SLCO3A1: variants seen among roughly 807,000 people sequenced by gnomAD.
SLCO3A1 encodes the protein PGE1 transporter.
Under a neutral mutation model 63.1 loss-of-function variants are expected in SLCO3A1, and 27 were observed. That is an observed-to-expected ratio of 0.43 (90% CI 0.32 to 0.59). The LOEUF is 0.59. Among genes scored for constraint, SLCO3A1 ranks in the 20% least tolerant of loss-of-function variants. The pLI is 0.09. For synonymous variants in SLCO3A1, 473 were observed against 409.9 expected, an observed-to-expected ratio of 1.15 and a Z score of -1.86; for missense variants, 773 against 945.8, an observed-to-expected ratio of 0.82 and a Z score of 2.40.
rs191752519 is a variant in SLCO3A1, at chr15:91,957,330, A to C, written c.646+40872A>C. On this transcript the variant is annotated intron_variant, in intron 2 of 9. Transcript: ENST00000318445. ...TCTCTTCTGTAGATTTCAGCCGCCA[A>C]TGTGGTCTCAAAAGTACAGGGCAAA... is the stretch of plus-strand genomic sequence containing the variant. Among the ~76,000 whole-genome samples the C allele has an allele frequency of 5.4e-5, 8 of 148,952 alleles. No individual in the cohort carries two copies. The East Asian group carries it at 1.6e-3, about 30-fold the overall frequency.
At chr15:91,881,109 G>T (rs914327518) in intron 1 of SLCO3A1, among the ~76,000 whole-genome samples, 1 of 152,162 alleles carries the variant, frequency 6.6e-6, no homozygotes, top group Non-Finnish European at 1.5e-5. Context: ...GATGGGAGAA[G>T]GTACCTTTTC....
intron 2 of SLCO3A1, among the ~76,000 whole-genome samples, chr15:92,031,327 T>G (rs1567076873): frequency 6.6e-6 from 1 of 152,060 alleles, no homozygotes; most frequent in Non-Finnish European, 1.5e-5. Context: ...GAAAGAGTGT[T>G]AATAATGTTA....
intron 2 of SLCO3A1, among the ~76,000 whole-genome samples, chr15:91,970,982 G>A (rs1053560883): frequency 6.6e-6 from 1 of 152,094 alleles, no homozygotes; most frequent in Non-Finnish European, 1.5e-5. Context: ...TTGGGAATTT[G>A]CCTATTTGCT....
At chr15:91,993,559 TTTA>T (rs940450461) in intron 2 of SLCO3A1, among the ~76,000 whole-genome samples, 3 of 152,148 alleles carry the variant, frequency 2.0e-5, no homozygotes, top group African/African-American at 4.8e-5. Context: ...CAGATAAATA[TTTA>T]TTGATTTTAT....
intron 2 of SLCO3A1, among the ~76,000 whole-genome samples, chr15:92,074,882 C>T (rs1269931979): frequency 5.9e-5 from 9 of 152,172 alleles, no homozygotes; most frequent in Admixed American, 5.2e-4. Context: ...CAGGAAAGTA[C>T]TTCACACCCG....
chr15:92,162,410 A>T (rs140758091), intron 9 of SLCO3A1: 2 of 203,734 alleles, frequency 9.8e-6, no homozygotes, highest in Non-Finnish European at 2.0e-5. Flanking sequence ...TCAGCCTCCC[A>T]AAGTGCTGGA....
In SLCO3A1 at chr15:91,872,481, C is replaced by T. The variant is rs972172708; in HGVS notation, c.180+18393C>T. On this transcript the variant is annotated intron_variant, in intron 1 of 9. Transcript: ENST00000318445. This position sits in a 1 kb window ranked among gnomAD's most constrained non-coding sequence, Gnocchi z 4.1. ...CGGGAGGCGGATAGGTTGCAGTGAGCCGAGACCATGCCACCGCACTCCAGC... is the reference window on the plus strand; with the variant it reads ...CGGGAGGCGGATAGGTTGCAGTGAGTCGAGACCATGCCACCGCACTCCAGC... 6.6e-6 allele frequency among the ~76,000 whole-genome samples: 1 copy of T among 151,854 alleles called. No individual in the cohort carries two copies. Among genetic ancestry groups the T allele is most frequent in the African/African-American group, 2.4e-5 (1 of 41,324 alleles).
intron 1 of SLCO3A1, among the ~76,000 whole-genome samples, chr15:91,870,035 A>C (rs1281697466): frequency 6.6e-6 from 1 of 152,146 alleles, no homozygotes; most frequent in East Asian, 1.9e-4. Context: ...AATTCTGTGA[A>C]TCGAGTAAGT....
intron 2 of SLCO3A1, among the ~76,000 whole-genome samples, chr15:92,034,358 G>GGTTCCTGAGCTT (rs1567079002): frequency 6.6e-6 from 1 of 150,960 alleles, no homozygotes; most frequent in Non-Finnish European, 1.5e-5. Context: ...GCTGGGGTGG[G>GGTTCCTGAGCTT]GTGTTTGGAT....
chr15:92,057,366 T>C (rs1250093973), intron 2 of SLCO3A1, among the ~76,000 whole-genome samples: 1 of 152,236 alleles, frequency 6.6e-6, no homozygotes, highest in Non-Finnish European at 1.5e-5. Context: ...TTCTTATTAC[T>C]CTCAAGGTGC....
At chr15:92,154,629 G>A (rs1411839383) in intron 9 of SLCO3A1, among the ~76,000 whole-genome samples, 2 of 152,084 alleles carry the variant, frequency 1.3e-5, no homozygotes, top group African/African-American at 2.4e-5. Context: ...GAGGGCAGGA[G>A]CTAGAAATGA....
intron 3 of SLCO3A1, among the ~76,000 whole-genome samples, chr15:92,100,758 G>A (rs1006157408): frequency 3.3e-5 from 5 of 152,316 alleles, no homozygotes; most frequent in Non-Finnish European, 7.3e-5. Context: ...TTATGTTGCG[G>A]TAACAAACAG....
At chr15:91,864,211 G>T (rs763689923) in intron 1 of SLCO3A1, among the ~76,000 whole-genome samples, 10 of 152,184 alleles carry the variant, frequency 6.6e-5, no homozygotes, top group Non-Finnish European at 1.3e-4. Context: ...CTGTTTTTAG[G>T]TCTTCTTAAG....
At chr15:92,031,373 G>A (rs73536114) in intron 2 of SLCO3A1, among the ~76,000 whole-genome samples, 6,867 of 152,234 alleles carry the variant, frequency 0.045, 546 homozygotes, top group African/African-American at 0.16. Context: ...AGCAGGAATG[G>A]GAGCCTGTTT....
Position 92,094,563 on chromosome 15 carries a change from G to A in SLCO3A1, c.647-318G>A, listed in dbSNP as rs534755527. Among the ~76,000 whole-genome samples the A allele has an allele frequency of 7.2e-5, 11 of 152,336 alleles. No individual in the cohort carries two copies. In the South Asian group the frequency reaches 2.3e-3, roughly 32 times the overall value. On this transcript the variant is annotated intron_variant, in intron 2 of 9. Coordinates refer to ENST00000318445, the MANE Select transcript of SLCO3A1 (RefSeq NM_013272.4). ...AAATTATAAAAGCCTTTTCAAAAGT[G>A]TGGATGGCAGAAAAAATATTTAATG...
chr15:91,952,523 G>A (rs1900034292), intron 2 of SLCO3A1, among the ~76,000 whole-genome samples: 1 of 152,172 alleles, frequency 6.6e-6, no homozygotes, highest in Non-Finnish European at 1.5e-5. Flanking sequence ...AATGGGTGTG[G>A]TAAGATAGAC....
At chr15:92,056,077 T>C (rs1477927940) in intron 2 of SLCO3A1, among the ~76,000 whole-genome samples, 1 of 152,182 alleles carries the variant, frequency 6.6e-6, no homozygotes, top group African/African-American at 2.4e-5. Flanking sequence ...ATTTTTCCCA[T>C]GTAGTCTTTG....
In SLCO3A1 at chr15:92,128,494, T is replaced by TGGGATGGGGCAG. The variant is rs75758067; in HGVS notation, c.1512+23_1512+34dup. The TGGGATGGGGCAG allele has an allele frequency of 2.5e-6, 4 of 1,611,720 alleles. No homozygotes were observed. Among genetic ancestry groups the TGGGATGGGGCAG allele is most frequent in the South Asian group, 1.1e-5 (1 of 90,844 alleles). ...TTTGCTGGCTGCAACAGCACGGTAA[T>TGGGATGGGGCAG]GGGATGGGGCAGGGGATGGGGCAGG... On this transcript the variant is annotated splice_donor_region_variant and intron_variant, in intron 7 of 9. Coordinates refer to ENST00000318445, the MANE Select transcript of SLCO3A1 (RefSeq NM_013272.4).
At chr15:92,039,814 C>A (rs1006193051) in intron 2 of SLCO3A1, among the ~76,000 whole-genome samples, 2 of 152,122 alleles carry the variant, frequency 1.3e-5, no homozygotes, top group Non-Finnish European at 2.9e-5. Context: ...TGGAACCAAC[C>A]CAAATGCCCA....
Sources: allele counts gnomAD v4.1 joint callset (sites outside exome capture counted in the v4.1 genomes callset), GRCh38; gene constraint gnomAD v4.1.1; non-coding constraint Gnocchi (gnomAD v3.1); transcripts MANE v1.5; gene names NCBI Gene and HGNC (gene_info 2026-07-23, HGNC 2026-07-21).